The following CLVS1 variants were observed in gnomAD, a reference collection of about 807,000 sequenced individuals.
CLVS1 encodes clavesin-1.
A neutral mutation model predicts 33.1 loss-of-function variants in CLVS1; 10 were observed. That is an observed-to-expected ratio of 0.30 (90% confidence interval 0.19 to 0.51). CLVS1 has a LOEUF of 0.51. CLVS1 is among the 20% of genes least tolerant of loss of function. The pLI, the probability that CLVS1 is intolerant of heterozygous loss-of-function variation, is 0.97. For missense variants in CLVS1, 343 were observed against 433.4 expected (o/e 0.79, Z 1.85); for synonymous variants, 163 against 166.1 (o/e 0.98, Z 0.14).
the CLVS1 span, among the ~76,000 whole-genome samples, chr8:61,021,225 C>T: frequency 2.6e-5 from 4 of 152,210 alleles, no homozygotes; most frequent in South Asian, 2.1e-4. Context: ...ATGGAGGAGT[C>T]GGGCACAATA....
chr8:61,310,861 C>A (rs1465907836), intron 2 of CLVS1, among the ~76,000 whole-genome samples: 1 of 152,200 alleles, frequency 6.6e-6, no homozygotes, highest in African/African-American at 2.4e-5. Flanking sequence ...AATGAGTGTT[C>A]ATATAGAGAC....
intron 1 of CLVS1, among the ~76,000 whole-genome samples, chr8:61,093,604 T>C (rs1409542214): frequency 6.6e-6 from 1 of 152,240 alleles, no homozygotes; most frequent in Non-Finnish European, 1.5e-5. Context: ...GTCCCTTTAG[T>C]GCTGCATGTC....
At chr8:61,381,920 G>A (rs1055453985) in intron 3 of CLVS1, among the ~76,000 whole-genome samples, 1 of 152,100 alleles carries the variant, frequency 6.6e-6, no homozygotes, top group Non-Finnish European at 1.5e-5. Context: ...GTGCCTTTGT[G>A]GTAGAATGAT....
At chr8:61,268,415 A>G (rs1198200828) in intron 2 of CLVS1, among the ~76,000 whole-genome samples, 2 of 151,308 alleles carry the variant, frequency 1.3e-5, no homozygotes, top group Non-Finnish European at 2.9e-5. Context: ...CCAGTCTATC[A>G]TTGTTGGACA....
chr8:61,078,482 A>G (rs558126189), intron 1 of CLVS1, among the ~76,000 whole-genome samples: 2 of 152,134 alleles, frequency 1.3e-5, no homozygotes, highest in African/African-American at 4.8e-5. Flanking sequence ...GCTTACATCT[A>G]TTTTCATGGC....
intron 2 of CLVS1, among the ~76,000 whole-genome samples, chr8:61,271,914 C>T (rs1215328002): frequency 6.6e-6 from 1 of 151,694 alleles, no homozygotes; most frequent in South Asian, 2.1e-4. Flanking sequence ...TGTGTCTCTG[C>T]ACGTGAGATG....
intron 2 of CLVS1, among the ~76,000 whole-genome samples, chr8:61,352,018 T>C (rs1327486110): frequency 6.6e-6 from 1 of 152,038 alleles, no homozygotes; most frequent in African/African-American, 2.4e-5. Flanking sequence ...AGTAGAAACA[T>C]GTGCATATAA....
chr8:61,433,993 G>T (rs902669937), intron 3 of CLVS1, among the ~76,000 whole-genome samples: 3 of 151,824 alleles, frequency 2.0e-5, no homozygotes, highest in Non-Finnish European at 4.4e-5. Context: ...TCCAGGCAAA[G>T]CGAGAGGCAC....
chr8:61,138,669 C>T (rs1266891571), intron 2 of CLVS1, among the ~76,000 whole-genome samples: 1 of 151,866 alleles, frequency 6.6e-6, no homozygotes, highest in Non-Finnish European at 1.5e-5. Context: ...CCCCAGGAGT[C>T]CAGCGCTGGC....
rs76476015 is a variant in CLVS1 at position 61,405,256 on chromosome 8, G to T, written c.630+28477G>T. On this transcript the variant is annotated intron_variant, in intron 3 of 5. Transcript: ENST00000325897. ...TTTCTTAAAGTAACTGGGTCAGTTT[G>T]TTCATTGGAGAAAACATCTGCCACA... Among the ~76,000 whole-genome samples, 266 of 152,222 alleles carry T rather than the reference G, an allele frequency of 1.7e-3. 1 individual carries two copies. The highest frequency in any genetic ancestry group is 5.9e-3 in the African/African-American group (244 of 41,544).
chr8:61,215,521 G>A (rs76743815), intron 2 of CLVS1, among the ~76,000 whole-genome samples: 9,951 of 100,444 alleles, frequency 0.099, 438 homozygotes, highest in East Asian at 0.41. Context: ...AAAGTTTAAC[G>A]GATGTCTTTT....
chr8:61,201,656 T>C (rs1807734749), intron 2 of CLVS1, among the ~76,000 whole-genome samples: 1 of 152,160 alleles, frequency 6.6e-6, no homozygotes, highest in Non-Finnish European at 1.5e-5. Context: ...TTTTTAAAAG[T>C]TCTGTGTTTT....
intron 1 of CLVS1, among the ~76,000 whole-genome samples, chr8:61,064,536 C>CTTTTTTTTTTT (rs1563389429): frequency 7.1e-6 from 1 of 141,444 alleles, no homozygotes; most frequent in Non-Finnish European, 1.5e-5. Flanking sequence ...GTTCTTTGCC[C>CTTTTTTTTTTT]ATTTTTTTTT....
the CLVS1 span, chr8:60,967,505 A>C: frequency 1.6e-5 from 6 of 365,110 alleles, no homozygotes; most frequent in African/African-American, 1.3e-4. Flanking sequence ...CCACGAGTGC[A>C]GTAGCCAGAC....
At chr8:61,075,315 A>G (rs1249645753) in intron 1 of CLVS1, among the ~76,000 whole-genome samples, 2 of 152,228 alleles carry the variant, frequency 1.3e-5, no homozygotes, top group Non-Finnish European at 2.9e-5. Flanking sequence ...GGGTTGATCC[A>G]AAACAGGACC....
chr8:61,022,788 G>A, the CLVS1 span, among the ~76,000 whole-genome samples: 1 of 152,264 alleles, frequency 6.6e-6, no homozygotes, highest in East Asian at 1.9e-4. Flanking sequence ...ATAGAGAGTG[G>A]TACACAGACA....
chr8:61,346,919 G>A (rs1206118518), intron 2 of CLVS1, among the ~76,000 whole-genome samples: 1 of 152,224 alleles, frequency 6.6e-6, no homozygotes, highest in East Asian at 1.9e-4. Flanking sequence ...AGCAAGGGTT[G>A]TTCTGGACCA....
intron 3 of CLVS1, among the ~76,000 whole-genome samples, chr8:61,444,597 T>C (rs1816684928): frequency 6.6e-6 from 1 of 152,216 alleles, no homozygotes; most frequent in African/African-American, 2.4e-5. Context: ...GTAACTGCTA[T>C]GATAAGTTTG....
intron 1 of CLVS1, among the ~76,000 whole-genome samples, chr8:61,087,382 G>T (rs983199719): frequency 2.0e-5 from 3 of 152,184 alleles, no homozygotes; most frequent in Non-Finnish European, 2.9e-5. Context: ...AGGGAGTCAG[G>T]TCTAGAATTT....
Sources: allele counts gnomAD v4.1 joint callset (sites outside exome capture counted in the v4.1 genomes callset), GRCh38; gene constraint gnomAD v4.1.1; transcripts MANE v1.5; gene names NCBI Gene and HGNC (gene_info 2026-07-23, HGNC 2026-07-21).